The following SPECC1L variants were observed in gnomAD, a reference collection of about 807,000 sequenced individuals.
SPECC1L encodes sperm antigen with calponin homology and coiled-coil domains 1 like.
SPECC1L carries 40 observed loss-of-function variants against 116.8 expected under a neutral mutation model. That is an observed-to-expected ratio of 0.34 (90% confidence interval 0.27 to 0.45). The LOEUF (loss-of-function observed/expected upper bound fraction) is 0.45. Ranked by LOEUF, SPECC1L falls within the 20% of genes least tolerant of loss-of-function variation. SPECC1L has a pLI of 1.00. For synonymous variants in SPECC1L, 504 were observed against 500.6 expected, an observed-to-expected ratio of 1.01 and a Z score of -0.09; for missense variants, 1,110 against 1,373.6, an observed-to-expected ratio of 0.81 and a Z score of 3.03.
At chr22:24,364,002 A>T (rs2041697653) in intron 12 of SPECC1L, among the ~76,000 whole-genome samples, 1 of 152,180 alleles carries the variant, frequency 6.6e-6, no homozygotes. Context: ...CATGGATTGC[A>T]TTAAATCAGC....
At chr22:24,289,258 G>C (rs2049110699) in intron 2 of SPECC1L, among the ~76,000 whole-genome samples, 1 of 152,166 alleles carries the variant, frequency 6.6e-6, no homozygotes, top group Non-Finnish European at 1.5e-5. Context: ...TTTGAACTTT[G>C]GGAACGAATG....
intron 1 of SPECC1L, among the ~76,000 whole-genome samples, chr22:24,273,612 C>A (rs2048773459): frequency 6.6e-6 from 1 of 152,036 alleles, no homozygotes; most frequent in Non-Finnish European, 1.5e-5. Context: ...TAAGAAGATT[C>A]AAATATAGAG....
At chr22:24,388,667 T>G (rs1307448626) in intron 14 of SPECC1L, among the ~76,000 whole-genome samples, 2 of 152,162 alleles carry the variant, frequency 1.3e-5, no homozygotes, top group Non-Finnish European at 2.9e-5. Flanking sequence ...CCAAACTGAC[T>G]TCCACAATGG....
At chr22:24,302,408 A>C (rs772144957) in intron 3 of SPECC1L, 24 bp downstream of exon 3, 14 of 1,613,452 alleles carry the variant, frequency 8.7e-6, no homozygotes, top group Non-Finnish European at 6.8e-6. Context: ...GTTTGAATAC[A>C]TGATGGGTTT....
At chr22:24,400,058 C>G (rs1159431527) in intron 14 of SPECC1L, among the ~76,000 whole-genome samples, 1 of 152,236 alleles carries the variant, frequency 6.6e-6, no homozygotes, top group Non-Finnish European at 1.5e-5. Context: ...TTCAGAACAT[C>G]TGGCAGCCTC....
At chr22:24,357,390 A>C (rs2041553100) in intron 11 of SPECC1L, among the ~76,000 whole-genome samples, 1 of 152,188 alleles carries the variant, frequency 6.6e-6, no homozygotes, top group Admixed American at 6.5e-5. Flanking sequence ...GTGAGACTTC[A>C]TCTCTATAAA....
chr22:24,325,956 T>G (rs2040813361), intron 6 of SPECC1L, among the ~76,000 whole-genome samples: 1 of 152,096 alleles, frequency 6.6e-6, no homozygotes, highest in Admixed American at 6.5e-5. Context: ...TTTTTTGCTG[T>G]TTGTTTGCTT....
At chr22:24,305,454 T>C (rs2146416016) in intron 3 of SPECC1L, among the ~76,000 whole-genome samples, 1 of 152,352 alleles carries the variant, frequency 6.6e-6, no homozygotes, top group East Asian at 1.9e-4. Context: ...TATGTGTGTC[T>C]GGTTTCTTAT....
chr22:24,352,937 G>T (rs981421210), intron 11 of SPECC1L, among the ~76,000 whole-genome samples: 2 of 152,096 alleles, frequency 1.3e-5, no homozygotes, highest in African/African-American at 4.8e-5. Context: ...AGATTCTGTG[G>T]CATTCTTTTA....
chr22:24,379,218 T>A (rs534713157), intron 14 of SPECC1L, among the ~76,000 whole-genome samples: 112 of 147,120 alleles, frequency 7.6e-4, no homozygotes, highest in East Asian at 4.3e-3. Context: ...TATTAAAATT[T>A]AAAAAAAAAA....
At chr22:24,318,256 C>T (rs1460536434) in intron 4 of SPECC1L, among the ~76,000 whole-genome samples, 3 of 152,212 alleles carry the variant, frequency 2.0e-5, no homozygotes, top group Non-Finnish European at 4.4e-5. Context: ...AAGGAGACTC[C>T]GTCTGCAATC....
intron 9 of SPECC1L, among the ~76,000 whole-genome samples, chr22:24,336,207 G>T (rs1010855354): frequency 6.6e-6 from 1 of 151,666 alleles, no homozygotes; most frequent in South Asian, 2.1e-4. Flanking sequence ...CTGAGCAGTC[G>T]CTCTGTGCGC....
At chr22:24,298,791 G>A (rs956696095) in intron 2 of SPECC1L, among the ~76,000 whole-genome samples, 10 of 152,202 alleles carry the variant, frequency 6.6e-5, no homozygotes, top group Non-Finnish European at 2.9e-5. Flanking sequence ...CCACATTAGG[G>A]AAGTTAATCT....
chr22:24,306,661 G>C (rs2049504419), intron 3 of SPECC1L, among the ~76,000 whole-genome samples: 1 of 152,172 alleles, frequency 6.6e-6, no homozygotes, highest in African/African-American at 2.4e-5. Context: ...GTGAGCCACT[G>C]TGCCCAACCA....
intron 11 of SPECC1L, among the ~76,000 whole-genome samples, chr22:24,352,721 C>T (rs1445063456): frequency 6.6e-6 from 1 of 152,122 alleles, no homozygotes; most frequent in Non-Finnish European, 1.5e-5. Context: ...GATAGAAATC[C>T]TACCCTCCTG....
intron 13 of SPECC1L, among the ~76,000 whole-genome samples, chr22:24,366,603 A>G (rs750856138): frequency 1.3e-5 from 2 of 152,210 alleles, no homozygotes; most frequent in Non-Finnish European, 2.9e-5. Context: ...AAAGAGGTGA[A>G]GAGAGGGTTG....
chr22:24,323,024 T>G, intron 5 of SPECC1L, 106 bp downstream of exon 5: 2 of 1,464,806 alleles, frequency 1.4e-6, no homozygotes, highest in Non-Finnish European at 1.8e-6. Context: ...TGTTATTAGC[T>G]TTTTTTTAAA....
At chr22:24,362,996 G>GT (rs1218240912) in intron 11 of SPECC1L, among the ~76,000 whole-genome samples, 2 of 152,196 alleles carry the variant, frequency 1.3e-5, no homozygotes, top group Non-Finnish European at 2.9e-5. Context: ...AAACAGGTAA[G>GT]TGGCAGCCCA....
At chr22:24,336,279 A>T (rs1333161621) in intron 9 of SPECC1L, among the ~76,000 whole-genome samples, 1 of 151,890 alleles carries the variant, frequency 6.6e-6, no homozygotes, top group Non-Finnish European at 1.5e-5. Context: ...ATATCTATAT[A>T]TACCTATATG....
Sources: allele counts gnomAD v4.1 joint callset (sites outside exome capture counted in the v4.1 genomes callset), GRCh38; gene constraint gnomAD v4.1.1; transcripts MANE v1.5; gene names NCBI Gene and HGNC (gene_info 2026-07-23, HGNC 2026-07-21).